Variants in PBXIP1 observed in about 807,000 individuals in gnomAD.
The protein encoded by PBXIP1 is pre-B-cell leukemia transcription factor-interacting protein 1.
PBXIP1 carries 73 observed loss-of-function variants against 73.7 expected under a neutral mutation model. The observed-to-expected ratio is 0.99, with a 90% CI of 0.82 to 1.20. The LOEUF is 1.20. Among genes scored for constraint, PBXIP1 ranks in the 50% most tolerant of loss-of-function variants. The pLI, the probability that PBXIP1 is intolerant of heterozygous loss-of-function variation, is 0.00. For missense variants in PBXIP1, 818 were observed against 911.4 expected (o/e 0.90, Z 1.32); for synonymous variants, 330 against 366.9 (o/e 0.90, Z 1.15).
At chr1:154,945,209 G>A in intron 10 of PBXIP1, 92 bp from the exon 11 acceptor site, 1 of 926,258 alleles carries the variant, frequency 1.1e-6, no homozygotes, top group Non-Finnish European at 1.7e-6. Flanking sequence ...CAATGAAGCT[G>A]ACTTGAGCAG....
Position 154,946,123 on chromosome 1 carries a change from C to A in PBXIP1, c.1551G>T (p.Trp517Cys), listed in dbSNP as rs1396735317. The change falls in exon 10 of 11, where the codon TGG becomes TGT. Residue 517 changes from tryptophan (W) to cysteine (C), a missense_variant. Physicochemically the swap from Trp to Cys is radical, Grantham distance 215. Coordinates refer to ENST00000368463, the MANE Select transcript of PBXIP1 (RefSeq NM_020524.4). The part of the protein sequence containing the change: ...GQEDREPAGR[W>C]KEGRPRVEES... The stretch of plus-strand genomic sequence containing the variant: ...CCTCCACCCTTGGCCTGCCCTCCTT[C>A]CACCTTCCTGCTGGCTCCCTGTCCT... 3 of 1,614,178 alleles carry A rather than the reference C, an allele frequency of 1.9e-6. No individual in the cohort carries two copies. The highest frequency in any genetic ancestry group is 8.5e-7 in the Non-Finnish European group (1 of 1,180,014).
At position 154,946,253 on chromosome 1, in the gene PBXIP1, C is replaced by G; in HGVS notation, c.1421G>C (p.Gly474Ala). 6.2e-7 allele frequency: 1 copy of G among 1,614,200 alleles called. No individual in the cohort carries two copies. Among genetic ancestry groups the G allele is most frequent in the Middle Eastern group, 1.6e-4 (1 of 6,062 alleles). Residue 474 changes from glycine to alanine, a missense_variant, in exon 10 of 11, where the codon GGA (glycine) becomes GCA (alanine). Transcript: ENST00000368463. ...SHFQNSREWSGKEKWWDGQRD... is the reference protein window; with the variant it reads ...SHFQNSREWSAKEKWWDGQRD... The stretch of plus-strand genomic sequence containing the variant: ...CTGCCCATCCCACCACTTTTCCTTT[C>G]CACTCCACTCCCTAGAATTCTGGAA...
At position 154,947,440 on chromosome 1, in the gene PBXIP1, G is replaced by A. The variant is rs202026941; in HGVS notation, c.847C>T (p.Arg283Trp). Residue 283 changes from arginine to tryptophan, a missense_variant, in exon 9 of 11, where the codon CGG becomes TGG. By Grantham distance (101) the Arg-to-Trp change is moderately radical. Transcript: ENST00000368463. ...DKLAKENQDIRLLQAQLQAQK... is the reference protein window; with the variant it reads ...DKLAKENQDIWLLQAQLQAQK... Reference sequence around the variant, plus strand: ...ACCTGCAGCTGGGCCTGCAGCAGCCGGATGTCCTGGTTCTCCTTGGCCAGC... The same window carrying A: ...ACCTGCAGCTGGGCCTGCAGCAGCCAGATGTCCTGGTTCTCCTTGGCCAGC... 49 of 1,614,022 alleles carry A rather than the reference G, an allele frequency of 3.0e-5. 1 individual carries two copies. Among genetic ancestry groups the A allele is most frequent in the Admixed American group, 5.0e-5 (3 of 60,014 alleles).
At chr1:154,950,017 A>T (rs1250867623) in intron 5 of PBXIP1, among the ~76,000 whole-genome samples, 2 of 150,518 alleles carry the variant, frequency 1.3e-5, no homozygotes, top group Admixed American at 6.6e-5. Context: ...ATTTTATTTT[A>T]TTTATTTTTA....
chr1:154,954,533 C>A (rs374881360), intron 1 of PBXIP1, among the ~76,000 whole-genome samples: 51 of 152,298 alleles, frequency 3.3e-4, no homozygotes, highest in African/African-American at 1.2e-3. Flanking sequence ...TTAGTAATCG[C>A]CAGAGTTTGG....
intron 2 of PBXIP1, among the ~76,000 whole-genome samples, chr1:154,953,167 C>T (rs2101989338): frequency 6.6e-6 from 1 of 152,316 alleles, no homozygotes; most frequent in African/African-American, 2.4e-5. Context: ...TGGCTTCACC[C>T]TCTGCCTGAG....
intron 1 of PBXIP1, among the ~76,000 whole-genome samples, chr1:154,955,574 C>T (rs1655150965): frequency 6.6e-6 from 1 of 152,234 alleles, no homozygotes; most frequent in Non-Finnish European, 1.5e-5. Flanking sequence ...AAGCCAGCAT[C>T]TCACTGCCTT....
chr1:154,945,851 GC>G lies in PBXIP1; in HGVS notation c.1822del (p.Ala608ProfsTer12). The G allele has an allele frequency of 1.2e-6, 2 of 1,614,182 alleles. No individual in the cohort carries two copies. The highest frequency in any genetic ancestry group is 1.7e-6 in the Non-Finnish European group (2 of 1,180,000). ...GGCCAGCTCCTGTTGCCGCACTGGG[GC>G]TAGCTCTGTGCCAAAGAAAGTCAGG... The part of the protein sequence containing the change: ...EGLTFFGTEL[A>X]PVRQQELASL... On this transcript the variant is annotated frameshift_variant, in exon 10 of 11. Coordinates refer to ENST00000368463, the MANE Select transcript of PBXIP1 (RefSeq NM_020524.4). LOFTEE classifies it high-confidence loss of function.
intron 6 of PBXIP1, 23 bp downstream of exon 6, chr1:154,948,110 C>A (rs1185397853): frequency 1.9e-6 from 3 of 1,571,950 alleles, no homozygotes; most frequent in Non-Finnish European, 2.6e-6. Context: ...GCCCAAAGCC[C>A]CAGCCTCAGA....
At chr1:154,948,110 C>T in intron 6 of PBXIP1, 23 bp downstream of exon 6, 1 of 1,572,068 alleles carries the variant, frequency 6.4e-7, no homozygotes. Context: ...GCCCAAAGCC[C>T]CAGCCTCAGA....
intron 1 of PBXIP1, among the ~76,000 whole-genome samples, chr1:154,954,569 G>A (rs1031030148): frequency 2.6e-5 from 4 of 152,188 alleles, no homozygotes; most frequent in Non-Finnish European, 5.9e-5. Context: ...AGGTGACTGG[G>A]AAAATGGATT....
At chr1:154,949,025 C>T (rs1654924638) in intron 5 of PBXIP1, among the ~76,000 whole-genome samples, 1 of 152,126 alleles carries the variant, frequency 6.6e-6, no homozygotes, top group African/African-American at 2.4e-5. Flanking sequence ...CTAAGCCCTC[C>T]CTCTCCACCT....
chr1:154,945,050 T>A lies in PBXIP1; in HGVS notation c.2170A>T (p.Ser724Cys). The A allele has an allele frequency of 6.2e-7, 1 of 1,614,036 alleles. No individual in the cohort carries two copies. Among genetic ancestry groups the A allele is most frequent in the Non-Finnish European group, 8.5e-7 (1 of 1,179,910 alleles). The stretch of plus-strand genomic sequence containing the variant: ...CAGCCCCGGTGGTGGTGGTGGTGGC[T>A]ATGGCTGTGCCCCTCCCTGGGCCCC... ...AAGPREGHSH[S>C]HHHHHRG The change falls in exon 11 of 11, where the codon AGC becomes TGC. Residue 724 changes from serine (S) to cysteine (C), a missense_variant. Coordinates refer to ENST00000368463, the MANE Select transcript of PBXIP1 (RefSeq NM_020524.4).
intron 9 of PBXIP1, 93 bp from the exon 10 acceptor site, chr1:154,946,896 G>A: frequency 7.7e-7 from 1 of 1,301,454 alleles, no homozygotes; most frequent in Non-Finnish European, 1.0e-6. Flanking sequence ...ATTATAGTGG[G>A]CAGGTGGCCT....
chr1:154,951,603 C>T lies in PBXIP1; in HGVS notation c.179-68G>A. 1.3e-6 allele frequency: 2 copies of T among 1,526,352 alleles called. No individual in the cohort carries two copies. Among genetic ancestry groups the T allele is most frequent in the Non-Finnish European group, 1.8e-6 (2 of 1,100,700 alleles). 94.6% of individuals were successfully genotyped at this position (1,526,352 alleles called of 1,614,324 possible). ...TGAATTTCCTTTGCAGCCCTCTGTC[C>T]ATCCCACGGGCCCCTACCAGGTTGG... On this transcript the variant is annotated intron_variant, in intron 3 of 10. Coordinates refer to ENST00000368463, the MANE Select transcript of PBXIP1 (RefSeq NM_020524.4). The surrounding 1 kb of genome is among the most constrained non-coding windows in gnomAD (Gnocchi z 4.3).
intron 1 of PBXIP1, among the ~76,000 whole-genome samples, chr1:154,955,222 G>T (rs1474544890): frequency 6.6e-6 from 1 of 152,128 alleles, no homozygotes; most frequent in Admixed American, 6.5e-5. Flanking sequence ...TTCCGCTTGT[G>T]GCTCCACCCC....
rs1175306697 is a variant in PBXIP1 at position 154,946,408 on chromosome 1, C to G, written c.1266G>C (p.Gly422=). Residue 422 remains glycine, a synonymous_variant, in exon 10 of 11, where the codon GGG becomes GGC. Coordinates refer to ENST00000368463, the MANE Select transcript of PBXIP1 (RefSeq NM_020524.4). ...CAGCCAAGCCAGCATGAGCTGGGTCCCCGCGGCTGGCATCCTGCAAGCTCC... is the reference window on the plus strand; with the variant it reads ...CAGCCAAGCCAGCATGAGCTGGGTCGCCGCGGCTGGCATCCTGCAAGCTCC... ...LERSLQDASR[G]DPAHAGLAEL... 1 of 1,611,626 alleles carries G rather than the reference C, an allele frequency of 6.2e-7. No homozygotes were observed.
intron 1 of PBXIP1, among the ~76,000 whole-genome samples, chr1:154,955,313 T>C (rs1016228660): frequency 6.6e-6 from 1 of 152,156 alleles, no homozygotes; most frequent in Admixed American, 6.5e-5. Flanking sequence ...CAGCTTGGGC[T>C]GAAGTCCCTG....
Position 154,951,098 on chromosome 1 carries a change from A to T in PBXIP1, c.409+134T>A, listed in dbSNP as rs1654989982. 2.7e-6 allele frequency: 2 copies of T among 731,944 alleles called. No homozygotes were observed. Among genetic ancestry groups the T allele is most frequent in the Admixed American group, 2.6e-5 (1 of 38,300 alleles). 45.3% of individuals were successfully genotyped at this position (731,944 alleles called of 1,614,324 possible). A position where few individuals can be genotyped will look rare whatever the true frequency, so the allele number is the denominator to read the frequency against. On this transcript the variant is annotated intron_variant, in intron 5 of 10. Coordinates refer to ENST00000368463, the MANE Select transcript of PBXIP1 (RefSeq NM_020524.4). This position sits in a 1 kb window ranked among gnomAD's most constrained non-coding sequence, Gnocchi z 4.3. ...TTCTGGGCCTCAACGTCCCAGGGGTAGTGGTGAGAAAGGAGAGCACCAAGC... is the reference window on the plus strand; with the variant it reads ...TTCTGGGCCTCAACGTCCCAGGGGTTGTGGTGAGAAAGGAGAGCACCAAGC...
Sources: gnomAD v4.1 joint callset for allele counts (sites outside exome capture counted in the v4.1 genomes callset) on GRCh38, gnomAD v4.1.1 for gene constraint, Gnocchi (gnomAD v3.1) non-coding constraint, MANE v1.5 for transcripts, NCBI Gene and HGNC (gene_info 2026-07-23, HGNC 2026-07-21) for gene names.